NEDD4: variants seen among roughly 807,000 people sequenced by gnomAD.
NEDD4 encodes NEDD4 E3 ubiquitin protein ligase.
In NEDD4, 99 loss-of-function variants were observed where a neutral mutation model predicts 144.9. The ratio of observed to expected loss-of-function variants is 0.68; its 90% confidence interval spans 0.58 to 0.81. NEDD4 has a LOEUF of 0.81. Ranked by LOEUF, NEDD4 falls within the 30% of genes least tolerant of loss-of-function variation. The pLI, the probability that NEDD4 is intolerant of heterozygous loss-of-function variation, is 0.00. For missense variants in NEDD4, 985 were observed against 1,065.9 expected, an observed-to-expected ratio of 0.92 and a Z score of 1.06; for synonymous variants, 318 against 350.6, an observed-to-expected ratio of 0.91 and a Z score of 1.04.
chr15:55,938,711 G>C (rs1179290016), intron 4 of NEDD4, among the ~76,000 whole-genome samples: 2 of 152,012 alleles, frequency 1.3e-5, no homozygotes, highest in Admixed American at 1.3e-4. Context: ...CCATGTATAA[G>C]ATAAAGAGTT....
At chr15:55,893,956 G>A (rs1310051455) in intron 5 of NEDD4, among the ~76,000 whole-genome samples, 1 of 151,514 alleles carries the variant, frequency 6.6e-6, no homozygotes, top group African/African-American at 2.4e-5. Context: ...TACTATAATG[G>A]GCTTATTTAA....
intron 4 of NEDD4, among the ~76,000 whole-genome samples, chr15:55,949,803 G>C (rs1330688116): frequency 1.3e-5 from 2 of 152,116 alleles, no homozygotes; most frequent in Non-Finnish European, 2.9e-5. Context: ...GCCTGTCATG[G>C]GGTGGGGGAA....
chr15:55,894,616 A>G (rs16976626), intron 5 of NEDD4, among the ~76,000 whole-genome samples: 21,757 of 152,152 alleles, frequency 0.14, 1,699 homozygotes, highest in East Asian at 0.36. Context: ...AATCAGTTTC[A>G]CTTTGAGTTA....
chr15:55,838,905 G>C (rs755709822), intron 21 of NEDD4, among the ~76,000 whole-genome samples: 2 of 152,184 alleles, frequency 1.3e-5, no homozygotes, highest in African/African-American at 2.4e-5. Flanking sequence ...TTATCATCCA[G>C]TTAAAGGAAT....
chr15:55,883,308 A>G (rs1595793323), intron 5 of NEDD4, among the ~76,000 whole-genome samples: 1 of 152,102 alleles, frequency 6.6e-6, no homozygotes, highest in African/African-American at 2.4e-5. Context: ...CTGTGGAAAG[A>G]GAAGGGAAGA....
intron 11 of NEDD4, among the ~76,000 whole-genome samples, chr15:55,859,588 TCAGGAGGCTGAGG>T (rs2034324560): frequency 6.6e-6 from 1 of 152,124 alleles, no homozygotes. Context: ...TCTCAGCTAT[TCAGGAGGCTGAGG>T]CATGAGAATC....
intron 6 of NEDD4, among the ~76,000 whole-genome samples, chr15:55,872,749 A>G (rs1186292791): frequency 6.6e-6 from 1 of 152,164 alleles, no homozygotes; most frequent in African/African-American, 2.4e-5. Flanking sequence ...AAAACAGTAT[A>G]GAGTGGTTAG....
intron 5 of NEDD4, among the ~76,000 whole-genome samples, chr15:55,876,840 TG>T (rs1395282993): frequency 1.3e-5 from 2 of 152,096 alleles, no homozygotes; most frequent in Admixed American, 6.6e-5. Flanking sequence ...TTTTATTAAA[TG>T]TTTTTCTTTT....
chr15:55,948,646 A>C (rs1301997506), intron 4 of NEDD4, among the ~76,000 whole-genome samples: 1 of 152,130 alleles, frequency 6.6e-6, no homozygotes, highest in East Asian at 1.9e-4. Context: ...CAGAAATAAC[A>C]CCACACATCT....
At chr15:55,960,526 G>A (rs2037407612) in intron 2 of NEDD4, among the ~76,000 whole-genome samples, 3 of 152,182 alleles carry the variant, frequency 2.0e-5, no homozygotes, top group African/African-American at 7.2e-5. Flanking sequence ...ACAGACTGAA[G>A]GCTGCATTGT....
At chr15:55,891,280 A>T (rs899730854) in intron 5 of NEDD4, among the ~76,000 whole-genome samples, 3 of 152,218 alleles carry the variant, frequency 2.0e-5, no homozygotes, top group Admixed American at 6.5e-5. Flanking sequence ...TTCCAAACTA[A>T]AAGTCAATAT....
intron 1 of NEDD4, among the ~76,000 whole-genome samples, chr15:55,983,856 C>A (rs1363800802): frequency 1.3e-5 from 2 of 152,094 alleles, no homozygotes; most frequent in African/African-American, 4.8e-5. Context: ...AGTGATCCAC[C>A]CATCTCAGCC....
chr15:55,859,710 A>C (rs1024139901), intron 11 of NEDD4, among the ~76,000 whole-genome samples: 4 of 152,138 alleles, frequency 2.6e-5, no homozygotes, highest in African/African-American at 9.7e-5. Context: ...ACAAACAAAC[A>C]AGCAAACAAA....
intron 5 of NEDD4, chr15:55,917,057 T>G: frequency 7.9e-7 from 1 of 1,270,356 alleles, no homozygotes; most frequent in South Asian, 3.0e-5. Context: ...ATGTCTTGAA[T>G]CGCTTGTAGT....
chr15:55,977,740 T>TGG (rs2037730490), intron 1 of NEDD4, among the ~76,000 whole-genome samples: 3 of 152,004 alleles, frequency 2.0e-5, no homozygotes, highest in Non-Finnish European at 2.9e-5. Flanking sequence ...TAATCTTGTT[T>TGG]TTTTTTTTAA....
chr15:55,953,108 G>A (rs1033009114), intron 2 of NEDD4, among the ~76,000 whole-genome samples: 1 of 151,400 alleles, frequency 6.6e-6, no homozygotes, highest in African/African-American at 2.4e-5. Context: ...TCCTGCCTAA[G>A]CCTCCCGAGT....
intron 24 of NEDD4, among the ~76,000 whole-genome samples, chr15:55,835,447 C>T (rs1173664928): frequency 6.9e-6 from 1 of 144,362 alleles, no homozygotes; most frequent in Non-Finnish European, 1.5e-5. Context: ...TTTCCCATGC[C>T]CTAAACTGTC....
intron 5 of NEDD4, among the ~76,000 whole-genome samples, chr15:55,906,409 T>A (rs1417627065): frequency 6.6e-6 from 1 of 152,138 alleles, no homozygotes; most frequent in Non-Finnish European, 1.5e-5. Context: ...TAGACTGGAT[T>A]AAGAAAGTGT....
Position 55,943,525 on chromosome 15 carries a change from A to C in NEDD4, c.237+7851T>G, listed in dbSNP as rs2037047089. 3.9e-5 allele frequency among the ~76,000 whole-genome samples: 6 copies of C among 152,142 alleles called. No homozygotes were observed. In the South Asian group the frequency reaches 1.2e-3, roughly 32 times the overall value. ...CTCAGGCCGCTGCTCTAGAAGGTTC[A>C]AACCGTAAGTCTTGGTGGCTTTCAC... is the stretch of plus-strand genomic sequence containing the variant. On this transcript the variant is annotated intron_variant, in intron 4 of 28. Transcript: ENST00000435532.
Sources: allele counts gnomAD v4.1 joint callset (sites outside exome capture counted in the v4.1 genomes callset), GRCh38; gene constraint gnomAD v4.1.1; transcripts MANE v1.5; gene names NCBI Gene and HGNC (gene_info 2026-07-23, HGNC 2026-07-21).